Variants in PTK2 observed in about 807,000 individuals in gnomAD.
The protein encoded by PTK2 is protein tyrosine kinase 2, also known as focal adhesion kinase 1.
PTK2 carries 45 observed loss-of-function variants against 150.1 expected under a neutral mutation model. That is an observed-to-expected ratio of 0.30 (90% confidence interval 0.24 to 0.38). The LOEUF is 0.38. PTK2 is among the 10% of genes least tolerant of loss of function. The probability of loss-of-function intolerance (pLI) is 1.00; values close to 1 mark genes in which losing one functional copy is unlikely to be tolerated. For synonymous variants in PTK2, 432 were observed against 449.2 expected (o/e 0.96, Z 0.48); for missense variants, 919 against 1,307.3 (o/e 0.70, Z 4.58).
At chr8:140,736,527 C>CAAA (rs113241429) in intron 21 of PTK2, among the ~76,000 whole-genome samples, 46 of 143,350 alleles carry the variant, frequency 3.2e-4, no homozygotes, top group East Asian at 1.0e-3. Context: ...ATCTAAAATT[C>CAAA]AAAAAAAAAA....
intron 7 of PTK2, among the ~76,000 whole-genome samples, chr8:140,839,004 C>CAA (rs1225060641): frequency 2.2e-5 from 2 of 91,122 alleles, no homozygotes; most frequent in African/African-American, 8.3e-5. Context: ...GACTCCGTCT[C>CAA]AAAAAAAAAA....
chr8:140,916,587 C>T (rs1313567280), intron 2 of PTK2, among the ~76,000 whole-genome samples: 1 of 152,200 alleles, frequency 6.6e-6, no homozygotes, highest in Admixed American at 6.5e-5. Flanking sequence ...CACTTAACAC[C>T]TTCTATCACA....
chr8:140,825,890 T>C (rs1426747336), intron 8 of PTK2, among the ~76,000 whole-genome samples: 1 of 152,254 alleles, frequency 6.6e-6, no homozygotes, highest in Non-Finnish European at 1.5e-5. Context: ...AATTTTTAAA[T>C]GTGTCTTTAA....
At chr8:140,786,268 A>G (rs1248728414) in intron 14 of PTK2, among the ~76,000 whole-genome samples, 1 of 152,202 alleles carries the variant, frequency 6.6e-6, no homozygotes, top group Non-Finnish European at 1.5e-5. Flanking sequence ...CCACTATCCT[A>G]GACACTGAAC....
At position 140,887,020 on chromosome 8, in the gene PTK2, C is replaced by T. The variant is rs555117905; in HGVS notation, c.195+3523G>A. ...CTTATCTCTAGAGCTGCCTGAAGCA[C>T]GGTACTGACACTTGGCCAAAGCTAT... On this transcript the variant is annotated intron_variant, in intron 3 of 31. Coordinates refer to ENST00000522684, the Ensembl canonical transcript of PTK2. 5.3e-5 allele frequency among the ~76,000 whole-genome samples: 8 copies of T among 152,286 alleles called. No individual in the cohort carries two copies. The East Asian group carries it at 9.6e-4, about 18-fold the overall frequency.
intron 12 of PTK2, among the ~76,000 whole-genome samples, chr8:140,794,660 T>C (rs1271566860): frequency 2.0e-5 from 3 of 152,222 alleles, no homozygotes; most frequent in Non-Finnish European, 4.4e-5. Flanking sequence ...TTCTCTTGGT[T>C]TTCTTCTGCC....
At chr8:140,881,475 T>C (rs1254011554) in intron 3 of PTK2, among the ~76,000 whole-genome samples, 1 of 152,186 alleles carries the variant, frequency 6.6e-6, no homozygotes, top group Non-Finnish European at 1.5e-5. Context: ...CCAACACCAG[T>C]TATCCTTGGT....
chr8:140,717,828 G>T, intron 22 of PTK2, 119 bp from the exon 26 acceptor site: 1 of 737,236 alleles, frequency 1.4e-6, no homozygotes, highest in East Asian at 2.6e-5. Flanking sequence ...AACAATAAAG[G>T]ATCCTATACA....
chr8:140,784,522 G>C (rs572143246), intron 14 of PTK2, among the ~76,000 whole-genome samples: 23 of 152,186 alleles, frequency 1.5e-4, no homozygotes, highest in African/African-American at 5.3e-4. Context: ...TTTACTCATT[G>C]ATTTGGAAAT....
rs565501187 is a variant in PTK2 at position 140,661,352 on chromosome 8, C to T, written c.2947-1674G>A. Among the ~76,000 whole-genome samples, 3 of 152,226 alleles carry T rather than the reference C, an allele frequency of 2.0e-5. No individual in the cohort carries two copies. The South Asian group carries it at 6.2e-4, about 32-fold the overall frequency. On this transcript the variant is annotated intron_variant, in intron 31 of 31. Coordinates refer to ENST00000522684, the Ensembl canonical transcript of PTK2. The stretch of plus-strand genomic sequence containing the variant: ...CAGAGGAGAGGTGATGGTGGATGTG[C>T]AGGTGAACGGACCAACCTGAGACCT...
At chr8:140,936,173 T>C (rs1445120860) in intron 1 of PTK2, among the ~76,000 whole-genome samples, 1 of 152,092 alleles carries the variant, frequency 6.6e-6, no homozygotes, top group Non-Finnish European at 1.5e-5. Flanking sequence ...ATTAAAAAAA[T>C]TAAGTAGGTC....
rs41272405 is a variant in PTK2 at position 140,658,699 on chromosome 8, C to T, written c.*767G>A. ...ATGGAAAAAGGGGATGGTTCTGGAA[C>T]TTCTCCTCAATGCAGTTTGGAGGTG... On this transcript the variant is annotated 3_prime_UTR_variant, in exon 32 of 32. Transcript: ENST00000522684. 8 of 216,930 alleles carry T rather than the reference C, an allele frequency of 3.7e-5. 1 individual carries two copies. The highest frequency in any genetic ancestry group is 1.6e-4 in the African/African-American group (7 of 44,510). 13.4% of individuals were successfully genotyped at this position (216,930 alleles called of 1,614,324 possible).
chr8:140,997,247 G>A (rs1034203239), intron 1 of PTK2, among the ~76,000 whole-genome samples: 3 of 152,234 alleles, frequency 2.0e-5, no homozygotes, highest in African/African-American at 7.2e-5. Context: ...TCTTAGGGAT[G>A]AGCAAAGAAA....
intron 26 of PTK2, among the ~76,000 whole-genome samples, chr8:140,695,356 C>T (rs1410955823): frequency 1.3e-5 from 2 of 152,044 alleles, no homozygotes; most frequent in Admixed American, 6.6e-5. Flanking sequence ...TGGATCTCTG[C>T]ATTTCCTATC....
At chr8:140,687,299 C>T (rs1330544434) in intron 26 of PTK2, among the ~76,000 whole-genome samples, 2 of 152,184 alleles carry the variant, frequency 1.3e-5, no homozygotes, top group Non-Finnish European at 2.9e-5. Context: ...GTATGGGTTA[C>T]GGGCCTTCTA....
intron 2 of PTK2, among the ~76,000 whole-genome samples, chr8:140,908,803 T>C (rs2100161971): frequency 6.6e-6 from 1 of 152,226 alleles, no homozygotes; most frequent in Admixed American, 6.5e-5. Flanking sequence ...TTCAGTCTCT[T>C]GCCAGGATTC....
chr8:140,845,460 T>C (rs1253480918), intron 7 of PTK2, among the ~76,000 whole-genome samples: 1 of 152,170 alleles, frequency 6.6e-6, no homozygotes, highest in Non-Finnish European at 1.5e-5. Context: ...ACCCCACATA[T>C]CTACACTTTG....
intron 5 of PTK2, among the ~76,000 whole-genome samples, chr8:140,859,865 A>G (rs1241062297): frequency 6.6e-6 from 1 of 151,696 alleles, no homozygotes; most frequent in Admixed American, 6.6e-5. Context: ...TGTGCAGGAC[A>G]ATATATGGAT....
chr8:140,975,638 G>C (rs1383827654), intron 1 of PTK2, among the ~76,000 whole-genome samples: 3 of 152,296 alleles, frequency 2.0e-5, no homozygotes, highest in Admixed American at 2.0e-4. Context: ...AAAAATTAGA[G>C]GAAATGCGAT....
Sources: allele counts gnomAD v4.1 joint callset (sites outside exome capture counted in the v4.1 genomes callset), GRCh38; gene constraint gnomAD v4.1.1; transcripts MANE v1.5; gene names NCBI Gene and HGNC (gene_info 2026-07-23, HGNC 2026-07-21).